The following CCSER1 variants were observed in gnomAD, a reference collection of about 807,000 sequenced individuals.
The protein encoded by CCSER1 is serine-rich coiled-coil domain-containing protein 1.
CCSER1 carries 41 observed loss-of-function variants against 82.0 expected under a neutral mutation model. That is an observed-to-expected ratio of 0.50 (90% CI 0.39 to 0.65). The LOEUF is 0.65. Ranked by LOEUF, CCSER1 falls within the 30% of genes least tolerant of loss-of-function variation. The pLI is 0.00. For missense variants in CCSER1, 1,119 were observed against 1,064.2 expected (o/e 1.05, Z -0.72); for synonymous variants, 414 against 383.9 (o/e 1.08, Z -0.92).
chr4:91,001,729 G>A (rs548943852), intron 9 of CCSER1, among the ~76,000 whole-genome samples: 1 of 152,284 alleles, frequency 6.6e-6, no homozygotes, highest in Admixed American at 6.5e-5. Flanking sequence ...CATCTTTTAA[G>A]TGGAGCATTT....
chr4:91,462,194 G>C (rs1756544912), intron 10 of CCSER1, among the ~76,000 whole-genome samples: 2 of 152,064 alleles, frequency 1.3e-5, no homozygotes, highest in African/African-American at 4.8e-5. Context: ...TTTTCACCCT[G>C]AGATTGAAAG....
At chr4:90,201,904 G>T (rs1443992792) in intron 1 of CCSER1, among the ~76,000 whole-genome samples, 1 of 152,046 alleles carries the variant, frequency 6.6e-6, no homozygotes, top group East Asian at 1.9e-4. Flanking sequence ...TGTTGAACAG[G>T]TTACCAGTTT....
intron 9 of CCSER1, among the ~76,000 whole-genome samples, chr4:90,975,273 CTTAGAA>C (rs755578905): frequency 3.3e-5 from 5 of 151,046 alleles, no homozygotes; most frequent in Non-Finnish European, 5.9e-5. Context: ...AGGAAAATTT[CTTAGAA>C]TTAGATAGCG....
intron 10 of CCSER1, among the ~76,000 whole-genome samples, chr4:91,224,974 A>C (rs1361113097): frequency 6.6e-6 from 1 of 151,358 alleles, no homozygotes. Flanking sequence ...TTGAATTCCA[A>C]TTTAACAAGA....
At chr4:90,717,773 A>ACAC (rs1369206794) in intron 6 of CCSER1, among the ~76,000 whole-genome samples, 3 of 147,448 alleles carry the variant, frequency 2.0e-5, no homozygotes, top group Non-Finnish European at 3.0e-5. Context: ...TATATAGTGT[A>ACAC]TATATATGTG....
intron 10 of CCSER1, among the ~76,000 whole-genome samples, chr4:91,571,812 G>A (rs1010092412): frequency 6.6e-6 from 1 of 152,122 alleles, no homozygotes; most frequent in Non-Finnish European, 1.5e-5. Context: ...TGTGTTGTGG[G>A]CCCAGGCCAG....
intron 3 of CCSER1, among the ~76,000 whole-genome samples, chr4:90,343,617 A>AAAAAC (rs1193738257): frequency 3.9e-5 from 6 of 152,300 alleles, no homozygotes; most frequent in Non-Finnish European, 8.8e-5. Flanking sequence ...CCCTGTCCCA[A>AAAAAC]AAAACAAAAC....
intron 10 of CCSER1, among the ~76,000 whole-genome samples, chr4:91,411,497 T>TATATAC (rs1753027820): frequency 3.4e-5 from 2 of 59,600 alleles, no homozygotes; most frequent in Admixed American, 3.2e-4. Flanking sequence ...TATACATATA[T>TATATAC]ATATATATAT....
At chr4:91,401,738 TG>T (rs1380229223) in intron 10 of CCSER1, among the ~76,000 whole-genome samples, 1 of 152,202 alleles carries the variant, frequency 6.6e-6, no homozygotes. Flanking sequence ...CTCATCCTTT[TG>T]TATGGCTGCA....
At chr4:90,233,037 T>C (rs1407546888) in intron 1 of CCSER1, among the ~76,000 whole-genome samples, 1 of 151,976 alleles carries the variant, frequency 6.6e-6, no homozygotes, top group African/African-American at 2.4e-5. Flanking sequence ...GACTGTAAGC[T>C]AGTTCAACCA....
At chr4:91,208,614 G>A (rs1367712939) in intron 10 of CCSER1, among the ~76,000 whole-genome samples, 4 of 151,726 alleles carry the variant, frequency 2.6e-5, no homozygotes, top group Non-Finnish European at 5.9e-5. Flanking sequence ...GTACCATGCT[G>A]TTTCGGTTAC....
At chr4:90,729,365 T>C (rs1258219374) in intron 7 of CCSER1, among the ~76,000 whole-genome samples, 1 of 152,220 alleles carries the variant, frequency 6.6e-6, no homozygotes, top group Non-Finnish European at 1.5e-5. Context: ...AAGATTCAAG[T>C]TTAACATTTA....
chr4:90,833,244 G>A lies in CCSER1; in HGVS notation c.2094+17399G>A, dbSNP rs147472643. Among the ~76,000 whole-genome samples, 241 of 152,246 alleles carry A rather than the reference G, an allele frequency of 1.6e-3. 2 individuals carry two copies. Among genetic ancestry groups the A allele is most frequent in the Non-Finnish European group, 2.6e-3 (175 of 68,014 alleles). On this transcript the variant is annotated intron_variant, in intron 8 of 10. Transcript: ENST00000509176. Reference sequence around the variant, plus strand: ...CTCAAATGGAAGAAAGGACGAAGAGGGGCCTAACTCATTTTCTCCAGCCCT... The same window carrying A: ...CTCAAATGGAAGAAAGGACGAAGAGAGGCCTAACTCATTTTCTCCAGCCCT...
chr4:91,145,605 A>G (rs554794053), intron 10 of CCSER1, among the ~76,000 whole-genome samples: 14 of 152,080 alleles, frequency 9.2e-5, no homozygotes, highest in Admixed American at 8.5e-4. Flanking sequence ...TTTCATTTCT[A>G]TCTTTAAATC....
intron 5 of CCSER1, among the ~76,000 whole-genome samples, chr4:90,577,062 G>T (rs1026553711): frequency 4.6e-5 from 7 of 151,954 alleles, no homozygotes; most frequent in Admixed American, 1.3e-4. Flanking sequence ...TCTGCATTTT[G>T]GCTATTTTAG....
chr4:90,340,249 C>A (rs1164618754), intron 3 of CCSER1, among the ~76,000 whole-genome samples: 1 of 152,080 alleles, frequency 6.6e-6, no homozygotes, highest in Non-Finnish European at 1.5e-5. Flanking sequence ...ATTATTTTTA[C>A]CTTAGAATAC....
intron 10 of CCSER1, among the ~76,000 whole-genome samples, chr4:91,424,841 A>T (rs1053561163): frequency 3.9e-5 from 6 of 152,122 alleles, no homozygotes; most frequent in Non-Finnish European, 7.4e-5. Context: ...TGGTGTGAGT[A>T]TGTAGAAAAA....
intron 1 of CCSER1, among the ~76,000 whole-genome samples, chr4:90,153,290 G>C (rs1727269674): frequency 6.6e-6 from 1 of 151,872 alleles, no homozygotes; most frequent in Non-Finnish European, 1.5e-5. Context: ...TATCATTGTT[G>C]GACATTTGGG....
intron 9 of CCSER1, among the ~76,000 whole-genome samples, chr4:90,987,797 T>A (rs1209598492): frequency 6.6e-6 from 1 of 151,736 alleles, no homozygotes; most frequent in Non-Finnish European, 1.5e-5. Context: ...CTGTTCATTG[T>A]ACCCAGAGGA....
Sources: allele counts gnomAD v4.1 joint callset (sites outside exome capture counted in the v4.1 genomes callset), GRCh38; gene constraint gnomAD v4.1.1; transcripts MANE v1.5; gene names NCBI Gene and HGNC (gene_info 2026-07-23, HGNC 2026-07-21).